Variants in CRHR2 observed in about 807,000 individuals in gnomAD.
CRHR2 encodes corticotropin releasing hormone receptor 2.
CRHR2 carries 53 observed loss-of-function variants against 57.9 expected under a neutral mutation model. The observed-to-expected ratio is 0.92, with a 90% CI of 0.73 to 1.15. CRHR2 has a LOEUF of 1.15. CRHR2 is among the 50% of genes most tolerant of loss of function. The probability of loss-of-function intolerance (pLI) is 0.00; values close to 1 mark genes in which losing one functional copy is unlikely to be tolerated. For synonymous variants in CRHR2, 213 were observed against 220.9 expected, an observed-to-expected ratio of 0.96 and a Z score of 0.32; for missense variants, 532 against 542.6, an observed-to-expected ratio of 0.98 and a Z score of 0.19.
chr7:30,678,417 T>C (rs2128147077), intron 2 of CRHR2, among the ~76,000 whole-genome samples: 1 of 152,348 alleles, frequency 6.6e-6, no homozygotes, highest in African/African-American at 2.4e-5. Flanking sequence ...GCACAGGTTG[T>C]GTAGAGAACA....
Position 30,652,732 on chromosome 7 carries a change from GCTC to G in CRHR2, c.*725_*727del, listed in dbSNP as rs1783634572. ...CCACGCCTCCCTCCTCCATGCCTCT[GCTC>G]CTCATTTTGCCCCGCACGATGCAAC... On this transcript the variant is annotated 3_prime_UTR_variant, in exon 12 of 12. Coordinates refer to ENST00000471646, the MANE Select transcript of CRHR2 (RefSeq NM_001883.5). The surrounding 1 kb of genome is among the most constrained non-coding windows in gnomAD (Gnocchi z 4.4). 6.6e-6 allele frequency: 1 copy of G among 152,474 alleles called. No homozygotes were observed. Among genetic ancestry groups the G allele is most frequent in the Non-Finnish European group, 1.5e-5 (1 of 68,194 alleles). 9.4% of individuals were successfully genotyped at this position (152,474 alleles called of 1,614,324 possible).
At chr7:30,683,982 C>A (rs539653379), upstream of CRHR2, among the ~76,000 whole-genome samples, 72 of 152,342 alleles carry the variant, frequency 4.7e-4, no homozygotes, top group African/African-American at 1.7e-3. Flanking sequence ...ACTGCCCAGG[C>A]AGAGCGAGTG....
chr7:30,667,103 G>A, intron 3 of CRHR2, 125 bp downstream of exon 3: 2 of 782,134 alleles, frequency 2.6e-6, no homozygotes, highest in Non-Finnish European at 4.3e-6. Context: ...GCAGGGGCAG[G>A]AGGTACAGAA....
In CRHR2 at chr7:30,652,026, ACTT is replaced by A. The variant is rs796584261; in HGVS notation, c.*1431_*1433del. The A allele has an allele frequency of 6.6e-5, 10 of 152,344 alleles. 2 individuals are homozygous for A. Among genetic ancestry groups the A allele is most frequent in the African/African-American group, 2.4e-4 (10 of 41,574 alleles). The allele number at this position is 152,344 out of a possible 1,614,324, so 9.4% of individuals were successfully genotyped here. On this transcript the variant is annotated 3_prime_UTR_variant, in exon 12 of 12. Coordinates refer to ENST00000471646, the MANE Select transcript of CRHR2 (RefSeq NM_001883.5). This position sits in a 1 kb window ranked among gnomAD's most constrained non-coding sequence, Gnocchi z 4.4. ...AAATCACACCTTTGAAGGATTTAAA[ACTT>A]AAGTAAAAAATACTACATGTCAACT...
rs112324263 is a variant in CRHR2 at position 30,660,581 on chromosome 7, C to A, written c.823G>T (p.Val275Leu). The A allele has an allele frequency of 6.4e-7, 1 of 1,564,354 alleles. No individual in the cohort carries two copies. The highest frequency in any genetic ancestry group is 2.4e-5 in the East Asian group (1 of 42,208). The change falls in exon 8 of 12, where the codon GTG (valine) becomes TTG (leucine). Residue 275 changes from valine (V) to leucine (L), a missense_variant. Val to Leu is a conservative substitution (Grantham distance 32). Transcript: ENST00000471646. ...CACCGCTGAGGGCTTACCAGGAGCA[C>A]GAGAATGATGGGGCCTTGGTAGATG... The part of the protein sequence containing the change: ...DYIYQGPIIL[V>L]LLINFVFLFN...
intron 1 of CRHR2, among the ~76,000 whole-genome samples, chr7:30,692,893 C>G (rs370110133): frequency 6.6e-6 from 1 of 152,296 alleles, no homozygotes; most frequent in African/African-American, 2.4e-5. Context: ...CAAGCCCAGT[C>G]AGTTGGTAGG....
upstream of CRHR2, chr7:30,682,544 G>A: frequency 8.1e-7 from 1 of 1,232,374 alleles, no homozygotes; most frequent in Non-Finnish European, 1.0e-6. Flanking sequence ...CGGGGGGCGG[G>A]GCCGGGCGGC....
chr7:30,669,476 G>A (rs1390895458), intron 2 of CRHR2, among the ~76,000 whole-genome samples: 1 of 152,116 alleles, frequency 6.6e-6, no homozygotes, highest in Non-Finnish European at 1.5e-5. Flanking sequence ...GCTTGCAGGT[G>A]GGAGGGGGTC....
chr7:30,666,636 C>G (rs901030699), intron 3 of CRHR2, among the ~76,000 whole-genome samples: 1 of 152,224 alleles, frequency 6.6e-6, no homozygotes, highest in Non-Finnish European at 1.5e-5. Context: ...GGGCAAAGTC[C>G]CAGCCCCACT....
chr7:30,671,367 G>T (rs1205794713), intron 2 of CRHR2, among the ~76,000 whole-genome samples: 1 of 152,150 alleles, frequency 6.6e-6, no homozygotes, highest in African/African-American at 2.4e-5. Context: ...AGGAGACAGG[G>T]ACCATGAGGG....
chr7:30,682,193 G>C lies in CRHR2; in HGVS notation c.88C>G (p.Pro30Ala). The change falls in exon 1 of 12, where the codon CCC becomes GCC. Residue 30 changes from proline to alanine, a missense_variant. By Grantham distance (27) the Pro-to-Ala change is conservative. Coordinates refer to ENST00000471646, the MANE Select transcript of CRHR2 (RefSeq NM_001883.5). ...TCCCGCCTACCCTCGGGGTCCAGGG[G>C]TGGCCCCCAGCCGTCCAAGAGCAGC... Reference protein sequence around the residue: ...EELLLDGWGPPLDPEGPYSYC... With the variant: ...EELLLDGWGPALDPEGPYSYC... 1.3e-6 allele frequency: 2 copies of C among 1,585,168 alleles called. No individual in the cohort carries two copies. The highest frequency in any genetic ancestry group is 1.7e-6 in the Non-Finnish European group (2 of 1,173,946).
At position 30,656,160 on chromosome 7, in the gene CRHR2, C is replaced by T. The variant is rs1783782246; in HGVS notation, c.832-148G>A. ...TACCTGTCCCCCTAGCACCTGCCAGCATCCCAAGGCCTGTGCTCCTCCCTC... is the reference window on the plus strand; with the variant it reads ...TACCTGTCCCCCTAGCACCTGCCAGTATCCCAAGGCCTGTGCTCCTCCCTC... On this transcript the variant is annotated intron_variant, in intron 8 of 11. Transcript: ENST00000471646. This position sits in a 1 kb window ranked among gnomAD's most constrained non-coding sequence, Gnocchi z 4.4. 1 of 707,190 alleles carries T rather than the reference C, an allele frequency of 1.4e-6. No individual in the cohort carries two copies. The highest frequency in any genetic ancestry group is 2.2e-5 in the Admixed American group (1 of 45,578). The allele number at this position is 707,190 out of a possible 1,614,324, so 43.8% of individuals were successfully genotyped here.
intron 1 of CRHR2, among the ~76,000 whole-genome samples, chr7:30,691,221 C>T (rs533178129): frequency 5.3e-5 from 8 of 152,326 alleles, no homozygotes; most frequent in Admixed American, 2.0e-4. Context: ...TGGCGCCCAT[C>T]GCCCTTGTTT....
At chr7:30,655,162 A>C in intron 10 of CRHR2, 82 bp from the exon 11 acceptor site, 15 of 1,210,404 alleles carry the variant, frequency 1.2e-5, no homozygotes, top group Non-Finnish European at 1.8e-5. Context: ...TGGGGACAAG[A>C]TGGTGGGGGG....
chr7:30,667,267 C>T lies in CRHR2; in HGVS notation c.276G>A (p.Lys92=). The T allele has an allele frequency of 6.2e-7, 1 of 1,614,176 alleles. No homozygotes were observed. Among genetic ancestry groups the T allele is most frequent in the Non-Finnish European group, 8.5e-7 (1 of 1,180,032 alleles). Residue 92 remains lysine (K), a synonymous_variant, in exon 3 of 12, where the codon AAG becomes AAA. Transcript: ENST00000471646. ...TGGGCTCACACTGTGAGTAGTTGAT[C>T]TTTGAGGCCCACGTCCCATTCTCCA... ...ECLENGTWAS[K]INYSQCEPIL...
intron 10 of CRHR2, 133 bp downstream of exon 10, chr7:30,655,447 G>T: frequency 8.7e-7 from 1 of 1,148,950 alleles, no homozygotes; most frequent in Non-Finnish European, 1.2e-6. Flanking sequence ...GAGCATGTAC[G>T]GGCTTCTAAC....
chr7:30,685,816 C>T (rs1370495929), upstream of CRHR2, among the ~76,000 whole-genome samples: 2 of 152,214 alleles, frequency 1.3e-5, no homozygotes, highest in Admixed American at 1.3e-4. Flanking sequence ...CTCCCTGTCT[C>T]CTCATGGCAG....
chr7:30,696,643 G>A (rs868594046), intron 1 of CRHR2, among the ~76,000 whole-genome samples: 6 of 152,224 alleles, frequency 3.9e-5, no homozygotes, highest in African/African-American at 1.4e-4. Flanking sequence ...AGAATCGCTT[G>A]AACCCAGGAG....
At chr7:30,698,239 C>G (rs1203980547) in intron 1 of CRHR2, 1 of 152,334 alleles carries the variant, frequency 6.6e-6, no homozygotes, top group African/African-American at 2.4e-5. Flanking sequence ...GGGTAAGTAA[C>G]TGGTCTCTAT....
Sources: allele counts gnomAD v4.1 joint callset (sites outside exome capture counted in the v4.1 genomes callset), GRCh38; gene constraint gnomAD v4.1.1; non-coding constraint Gnocchi (gnomAD v3.1); transcripts MANE v1.5; gene names NCBI Gene and HGNC (gene_info 2026-07-23, HGNC 2026-07-21).